The following RAP1B variants were observed in gnomAD, a reference collection of about 807,000 sequenced individuals.
RAP1B encodes the protein ras-related protein Rap-1b.
RAP1B carries 1 observed loss-of-function variant against 27.5 expected under a neutral mutation model. The observed-to-expected ratio is 0.04, with a 90% CI of 0.01 to 0.17. RAP1B has a LOEUF of 0.17. Ranked by LOEUF, RAP1B falls within the 10% of genes least tolerant of loss-of-function variation. The pLI, the probability that RAP1B is intolerant of heterozygous loss-of-function variation, is 1.00. For synonymous variants in RAP1B, 75 were observed against 73.1 expected (o/e 1.03, Z -0.13); for missense variants, 84 against 214.8 (o/e 0.39, Z 3.81).
At chr12:68,619,651 G>A (rs1239498451) in intron 1 of RAP1B, among the ~76,000 whole-genome samples, 1 of 152,106 alleles carries the variant, frequency 6.6e-6, no homozygotes, top group Non-Finnish European at 1.5e-5. Context: ...AATGTATTTT[G>A]TATTACTTAT....
intron 1 of RAP1B, among the ~76,000 whole-genome samples, chr12:68,633,693 A>AC (rs1359157888): frequency 2.4e-4 from 37 of 152,152 alleles, no homozygotes; most frequent in East Asian, 3.9e-4. Context: ...ATGTGGTGAA[A>AC]CCCCGTCTCT....
intron 1 of RAP1B, 98 bp from the exon 2 acceptor site, chr12:68,648,601 T>C: frequency 9.8e-7 from 1 of 1,021,304 alleles, no homozygotes; most frequent in Non-Finnish European, 1.4e-6. Context: ...TAGTAATCAT[T>C]TTAAATAAAT....
In RAP1B at chr12:68,635,601, G is replaced by A. The variant is rs562068433; in HGVS notation, c.-26-13098G>A. Among the ~76,000 whole-genome samples, 7 of 151,936 alleles carry A rather than the reference G, an allele frequency of 4.6e-5. No homozygotes were observed. The South Asian group carries it at 6.2e-4, about 14-fold the overall frequency. ...CTCCCTAATAGCTGGGATTACAGGC[G>A]CCCGCCACCTCACCCAGCCAATTTT... On this transcript the variant is annotated intron_variant, in intron 1 of 7. Coordinates refer to ENST00000250559, the MANE Select transcript of RAP1B (RefSeq NM_001010942.3).
intron 1 of RAP1B, among the ~76,000 whole-genome samples, chr12:68,630,212 C>T (rs1421481016): frequency 6.6e-6 from 1 of 152,196 alleles, no homozygotes; most frequent in Non-Finnish European, 1.5e-5. Context: ...AGGCTCTAGC[C>T]TATAGTGCAA....
chr12:68,633,738 CGT>C (rs1333391296), intron 1 of RAP1B, among the ~76,000 whole-genome samples: 4 of 152,040 alleles, frequency 2.6e-5, no homozygotes, highest in Non-Finnish European at 5.9e-5. Context: ...GGCATGGTGG[CGT>C]GTGCTCGTAG....
intron 1 of RAP1B, among the ~76,000 whole-genome samples, chr12:68,612,435 A>C (rs1870672412): frequency 6.6e-6 from 1 of 152,184 alleles, no homozygotes; most frequent in African/African-American, 2.4e-5. Flanking sequence ...TAAGGGCCGG[A>C]AGGGACTATT....
intron 2 of RAP1B, chr12:68,650,191 A>G (rs1013218817): frequency 8.4e-6 from 3 of 355,988 alleles, no homozygotes; most frequent in East Asian, 5.3e-5. Context: ...GAATTACCCA[A>G]TAAGGAGCAT....
At chr12:68,629,320 T>C (rs1038823433) in intron 1 of RAP1B, among the ~76,000 whole-genome samples, 5 of 152,208 alleles carry the variant, frequency 3.3e-5, no homozygotes, top group Non-Finnish European at 7.3e-5. Flanking sequence ...TCATTGTTGC[T>C]CTGAAGATTG....
chr12:68,610,930 T>G lies in RAP1B; in HGVS notation c.-140T>G, dbSNP rs1445011272. ...GCCAAACCTCGCCCAGATTCAGGCG[T>G]GTAAACCAGCCGGAGCGGCGCGGCA... On this transcript the variant is annotated 5_prime_UTR_variant, in exon 1 of 8. Transcript: ENST00000250559. 3.2e-6 allele frequency: 1 copy of G among 309,266 alleles called. No individual in the cohort carries two copies. The highest frequency in any genetic ancestry group is 6.0e-6 in the Non-Finnish European group (1 of 167,628). The allele number at this position is 309,266 out of a possible 1,614,324, so 19.2% of individuals were successfully genotyped here. A position where few individuals can be genotyped will look rare whatever the true frequency, so the allele number is the denominator to read the frequency against.
chr12:68,616,276 G>C (rs1871000049), intron 1 of RAP1B, among the ~76,000 whole-genome samples: 1 of 148,490 alleles, frequency 6.7e-6, no homozygotes, highest in Non-Finnish European at 1.5e-5. Context: ...TTTTTTTGTT[G>C]TTGTTGTTTT....
chr12:68,664,342 A>G lies in RAP1B; in HGVS notation c.*5093A>G, dbSNP rs938784646. 1.3e-5 allele frequency: 2 copies of G among 152,220 alleles called. No homozygotes were observed. The highest frequency in any genetic ancestry group is 6.5e-5 in the Admixed American group (1 of 15,284). 9.4% of individuals were successfully genotyped at this position (152,220 alleles called of 1,614,324 possible). On this transcript the variant is annotated 3_prime_UTR_variant, in exon 8 of 8. Transcript: ENST00000250559. ...CACTAATTTCAGAACAGGAAATTCT[A>G]TTAACTGTCAAACTCTTTAATGTGC...
chr12:68,612,624 T>A (rs2135903618), intron 1 of RAP1B, among the ~76,000 whole-genome samples: 1 of 152,346 alleles, frequency 6.6e-6, no homozygotes, highest in African/African-American at 2.4e-5. Flanking sequence ...ATTCTTCCCA[T>A]ATCGCACTTT....
intron 1 of RAP1B, among the ~76,000 whole-genome samples, chr12:68,631,221 T>C (rs1402824629): frequency 6.6e-6 from 1 of 152,194 alleles, no homozygotes; most frequent in Admixed American, 6.5e-5. Flanking sequence ...CCATATAATA[T>C]TGAATAAAGC....
chr12:68,612,604 T>C (rs550722132), intron 1 of RAP1B, among the ~76,000 whole-genome samples: 1 of 152,218 alleles, frequency 6.6e-6, no homozygotes, highest in Non-Finnish European at 1.5e-5. Context: ...ATTATCATCT[T>C]ACAAAGAATA....
At chr12:68,624,593 A>T (rs886164468) in intron 1 of RAP1B, 1 of 152,256 alleles carries the variant, frequency 6.6e-6, no homozygotes, top group Non-Finnish European at 1.5e-5. Flanking sequence ...GGGCGGGCGG[A>T]TCACTTGAGG....
intron 1 of RAP1B, among the ~76,000 whole-genome samples, chr12:68,630,297 A>G (rs922814607): frequency 6.6e-6 from 1 of 152,208 alleles, no homozygotes; most frequent in Non-Finnish European, 1.5e-5. Context: ...TCTTATCACA[A>G]CCATTCACCT....
In RAP1B at chr12:68,666,470, A is replaced by C. The variant is rs549655992; in HGVS notation, c.*7221A>C. On this transcript the variant is annotated 3_prime_UTR_variant, in exon 8 of 8. Coordinates refer to ENST00000250559, the MANE Select transcript of RAP1B (RefSeq NM_001010942.3). ...CGAAGTCCAAAATCAAAGTGTTAGG[A>C]TGTACTCCTAGAGGCTCTCGGAGAG... is the stretch of plus-strand genomic sequence containing the variant. The C allele has an allele frequency of 6.6e-6, 1 of 152,310 alleles. No individual in the cohort carries two copies. The highest frequency in any genetic ancestry group is 2.1e-4 in the South Asian group (1 of 4,832). 9.4% of individuals were successfully genotyped at this position (152,310 alleles called of 1,614,324 possible).
chr12:68,632,030 A>G (rs1485564518), intron 1 of RAP1B, among the ~76,000 whole-genome samples: 1 of 150,370 alleles, frequency 6.7e-6, no homozygotes, highest in Non-Finnish European at 1.5e-5. Context: ...TCTTTTTTGC[A>G]TATCAGTGCT....
rs58656248 is a variant in RAP1B at position 68,637,599 on chromosome 12, C to CAAAAAAAAAAAAAAAAA, written c.-26-11087_-26-11071dup. Among the ~76,000 whole-genome samples the CAAAAAAAAAAAAAAAAA allele has an allele frequency of 3.2e-4, 11 of 34,256 alleles. 1 individual carries two copies. Among genetic ancestry groups the CAAAAAAAAAAAAAAAAA allele is most frequent in the Non-Finnish European group, 4.6e-4 (10 of 21,738 alleles). 22.5% of individuals were successfully genotyped at this position (34,256 alleles called of 152,430 possible). A position where few individuals can be genotyped will look rare whatever the true frequency, so the allele number is the denominator to read the frequency against. The stretch of plus-strand genomic sequence containing the variant: ...GGGTGACAAGAGTAAAACTCCATCT[C>CAAAAAAAAAAAAAAAAA]AAAAAAAAAAAAAAAAAAAAAAAAA... On this transcript the variant is annotated intron_variant, in intron 1 of 7. Coordinates refer to ENST00000250559, the MANE Select transcript of RAP1B (RefSeq NM_001010942.3).
Sources: gnomAD v4.1 joint callset for allele counts (sites outside exome capture counted in the v4.1 genomes callset) on GRCh38, gnomAD v4.1.1 for gene constraint, MANE v1.5 for transcripts, NCBI Gene and HGNC (gene_info 2026-07-23, HGNC 2026-07-21) for gene names.